Variants in DHX32 observed in about 807,000 individuals in gnomAD.
DHX32 encodes the protein putative pre-mRNA-splicing factor ATP-dependent RNA helicase DHX32.
DHX32 carries 51 observed loss-of-function variants against 70.0 expected under a neutral mutation model. That is an observed-to-expected ratio of 0.73 (90% CI 0.58 to 0.92). The LOEUF (loss-of-function observed/expected upper bound fraction) is 0.92. Among genes scored for constraint, DHX32 ranks in the 40% least tolerant of loss-of-function variants. The pLI is 0.00. For synonymous variants in DHX32, 310 were observed against 315.3 expected (o/e 0.98, Z 0.18); for missense variants, 762 against 891.8 (o/e 0.85, Z 1.85).
chr10:125,880,736 T>G lies in DHX32; in HGVS notation c.89A>C (p.Glu30Ala). The stretch of plus-strand genomic sequence containing the variant: ...CAAATCCTCACAGGCCAAAACCTCT[T>G]CCTCATCCCCATCGCTGGAATCCAG... ...ESLDSSDGDE[E>A]EVLACEDLEL... The change falls in exon 1 of 11, where the codon GAA (glutamate) becomes GCA (alanine). Residue 30 changes from glutamate (E) to alanine (A), a missense_variant. Glu to Ala is a moderately radical substitution (Grantham distance 107). Transcript: ENST00000284690. 1 of 1,614,192 alleles carries G rather than the reference T, an allele frequency of 6.2e-7. No individual in the cohort carries two copies. Among genetic ancestry groups the G allele is most frequent in the Middle Eastern group, 1.6e-4 (1 of 6,062 alleles).
At chr10:125,853,301 C>A in intron 4 of DHX32, 1 of 976,384 alleles carries the variant, frequency 1.0e-6, no homozygotes, top group Non-Finnish European at 1.5e-6. Flanking sequence ...CATCTCGGCA[C>A]CTAGTAATGG....
rs191440321 is a variant in DHX32 at position 125,856,870 on chromosome 10, G to C, written c.850-2667C>G. 6.6e-4 allele frequency among the ~76,000 whole-genome samples: 101 copies of C among 152,286 alleles called. No individual in the cohort carries two copies. In the East Asian group the frequency reaches 0.019, roughly 28 times the overall value. On this transcript the variant is annotated intron_variant, in intron 3 of 10. Coordinates refer to ENST00000284690, the MANE Select transcript of DHX32 (RefSeq NM_018180.3). ...ACTTTGAAGGCTGAAGAGGTAGATG[G>C]CTTGAGCCCAGGAGTTCGAGGTCAC...
chr10:125,837,222 T>A (rs1263628641), intron 10 of DHX32, among the ~76,000 whole-genome samples: 1 of 152,186 alleles, frequency 6.6e-6, no homozygotes, highest in Non-Finnish European at 1.5e-5. Flanking sequence ...CTTTGCTTCT[T>A]ATTTTAACTA....
intron 6 of DHX32, among the ~76,000 whole-genome samples, chr10:125,846,796 C>T (rs1405508214): frequency 1.3e-5 from 2 of 152,156 alleles, no homozygotes; most frequent in Non-Finnish European, 2.9e-5. Context: ...GAATCAATGG[C>T]TCCCTTTCTT....
chr10:125,842,178 C>CG, intron 6 of DHX32: 2 of 455,520 alleles, frequency 4.4e-6, no homozygotes, highest in Non-Finnish European at 7.3e-6. Context: ...AGTGTGCATG[C>CG]GGGGGGAACC....
intron 3 of DHX32, among the ~76,000 whole-genome samples, chr10:125,859,169 TTG>T (rs894915126): frequency 1.3e-5 from 2 of 152,110 alleles, no homozygotes; most frequent in Non-Finnish European, 2.9e-5. Context: ...GTGGGAAATG[TTG>T]TGTTACTTAA....
rs146043002 is a variant in DHX32, at chr10:125,843,758, G to C, written c.1352-1824C>G. ...TGCAGCCTACCACACCTCCAGTCCT[G>C]CTGGAGGACAGCGGAGCCAGCACCA... On this transcript the variant is annotated intron_variant, in intron 6 of 10. Coordinates refer to ENST00000284690, the MANE Select transcript of DHX32 (RefSeq NM_018180.3). Among the ~76,000 whole-genome samples the C allele has an allele frequency of 8.5e-3, 1,296 of 152,340 alleles. 15 individuals carry two copies. The highest frequency in any genetic ancestry group is 0.011 in the Non-Finnish European group (719 of 68,036).
rs1854758701 is a variant in DHX32 at position 125,838,195 on chromosome 10, A to G, written c.2063+11T>C. The G allele has an allele frequency of 1.3e-6, 2 of 1,571,392 alleles. No individual in the cohort carries two copies. The highest frequency in any genetic ancestry group is 1.4e-5 in the African/African-American group (1 of 72,450). Reference sequence around the variant, plus strand: ...AAAAAAATACAACCCTTTCTTCTCCATTAAACTTACAGTTCAGGAGAGATT... The same window carrying G: ...AAAAAAATACAACCCTTTCTTCTCCGTTAAACTTACAGTTCAGGAGAGATT... On this transcript the variant is annotated intron_variant, in intron 10 of 10. Coordinates refer to ENST00000284690, the MANE Select transcript of DHX32 (RefSeq NM_018180.3).
At chr10:125,855,041 T>C (rs1281115223) in intron 3 of DHX32, among the ~76,000 whole-genome samples, 1 of 151,872 alleles carries the variant, frequency 6.6e-6, no homozygotes, top group Non-Finnish European at 1.5e-5. Flanking sequence ...CTGGCCAACA[T>C]GGTGAAACCC....
chr10:125,869,757 A>G (rs1471273329), intron 1 of DHX32, among the ~76,000 whole-genome samples: 1 of 152,028 alleles, frequency 6.6e-6, no homozygotes, highest in Non-Finnish European at 1.5e-5. Context: ...TCTCTCCACT[A>G]TGTGGGAAGA....
chr10:125,859,229 C>T lies in DHX32; in HGVS notation c.849+374G>A, dbSNP rs955400502. ...ATAGTCCTGATCTCCAACAAACACA[C>T]CTGCTCACAGGGAGGCAGTGGAGAA... On this transcript the variant is annotated intron_variant, in intron 3 of 10. Coordinates refer to ENST00000284690, the MANE Select transcript of DHX32 (RefSeq NM_018180.3). Among the ~76,000 whole-genome samples, 26 of 152,186 alleles carry T rather than the reference C, an allele frequency of 1.7e-4. 1 individual carries two copies. The highest frequency in any genetic ancestry group is 3.4e-3 in the Middle Eastern group (1 of 294).
intron 7 of DHX32, chr10:125,841,345 C>G (rs140376224): frequency 1.3e-5 from 21 of 1,613,958 alleles, no homozygotes; most frequent in Non-Finnish European, 1.7e-5. Context: ...GTCTGTTCCC[C>G]CAGTATTAGA....
chr10:125,856,063 C>A (rs1045366203), intron 3 of DHX32, among the ~76,000 whole-genome samples: 1 of 152,194 alleles, frequency 6.6e-6, no homozygotes, highest in African/African-American at 2.4e-5. Flanking sequence ...GCTTTAAGGC[C>A]ATAATCTGCA....
chr10:125,843,944 A>G (rs2134031533), intron 6 of DHX32, among the ~76,000 whole-genome samples: 2 of 152,268 alleles, frequency 1.3e-5, no homozygotes, highest in Middle Eastern at 6.8e-3. Context: ...AATATGTTGA[A>G]TTTCCCTATT....
At chr10:125,893,540 G>C (rs1241348696) in intron 1 of DHX32, among the ~76,000 whole-genome samples, 3 of 152,228 alleles carry the variant, frequency 2.0e-5, no homozygotes, top group African/African-American at 7.2e-5. Context: ...ACCGCGCCCG[G>C]CCAGTGTCCT....
At chr10:125,883,598 C>G (rs1371594533), upstream of DHX32, among the ~76,000 whole-genome samples, 3 of 152,172 alleles carry the variant, frequency 2.0e-5, no homozygotes, top group Admixed American at 2.0e-4. Flanking sequence ...CCCCAGCCAA[C>G]TGAGCAGAAG....
chr10:125,886,498 T>G (rs986316877), intron 1 of DHX32, among the ~76,000 whole-genome samples: 45 of 152,354 alleles, frequency 3.0e-4, no homozygotes, highest in Middle Eastern at 3.4e-3. Context: ...TTAGCTAAGT[T>G]CAAGGTAGTT....
At chr10:125,876,352 A>G (rs1209846407) in intron 1 of DHX32, among the ~76,000 whole-genome samples, 1 of 152,244 alleles carries the variant, frequency 6.6e-6, no homozygotes, top group African/African-American at 2.4e-5. Flanking sequence ...TGTCTTGATA[A>G]ATTGGCTCTA....
At chr10:125,877,855 T>C (rs1011908631) in intron 1 of DHX32, among the ~76,000 whole-genome samples, 19 of 152,272 alleles carry the variant, frequency 1.2e-4, no homozygotes, top group African/African-American at 4.1e-4. Flanking sequence ...ATCTGAAAAA[T>C]GAAGGGGTTC....
Sources: gnomAD v4.1 joint callset for allele counts (sites outside exome capture counted in the v4.1 genomes callset) on GRCh38, gnomAD v4.1.1 for gene constraint, MANE v1.5 for transcripts, NCBI Gene and HGNC (gene_info 2026-07-23, HGNC 2026-07-21) for gene names.